ZNG1A: variants seen among roughly 807,000 people sequenced by gnomAD.
The protein encoded by ZNG1A is Zn regulated GTPase metalloprotein activator 1A.
chr9:156,166 T>G, the ZNG1A span, among the ~76,000 whole-genome samples: 1 of 144,656 alleles, frequency 6.9e-6, no homozygotes, highest in African/African-American at 2.5e-5. Context: ...TATATATATA[T>G]ATATAAAATC....
the ZNG1A span, among the ~76,000 whole-genome samples, chr9:171,216 C>T: frequency 6.6e-6 from 1 of 152,174 alleles, no homozygotes; most frequent in African/African-American, 2.4e-5. Flanking sequence ...AACCACTGAT[C>T]ACATTTGAAC....
At chr9:174,155 A>G in the ZNG1A span, among the ~76,000 whole-genome samples, 1 of 151,682 alleles carries the variant, frequency 6.6e-6, no homozygotes, top group Non-Finnish European at 1.5e-5. Flanking sequence ...TCAAAAAAAA[A>G]AAAAAACCTA....
the ZNG1A span, among the ~76,000 whole-genome samples, chr9:130,052 T>G: frequency 6.6e-6 from 1 of 151,354 alleles, no homozygotes; most frequent in Non-Finnish European, 1.5e-5. Flanking sequence ...TGGTAAGTAT[T>G]TGCGTGACAG....
At chr9:154,797 T>G in the ZNG1A span, 7 of 1,520,330 alleles carry the variant, frequency 4.6e-6, no homozygotes, top group South Asian at 5.8e-5. Context: ...GCAACTTGTC[T>G]AAAATAGCAA....
At chr9:155,636 T>A in the ZNG1A span, among the ~76,000 whole-genome samples, 2 of 152,204 alleles carry the variant, frequency 1.3e-5, no homozygotes, top group African/African-American at 4.8e-5. Flanking sequence ...ATTCAGGGTC[T>A]TATGCTTTAT....
chr9:154,365 G>C, the ZNG1A span: 17 of 417,710 alleles, frequency 4.1e-5, no homozygotes, highest in Admixed American at 4.4e-4. Context: ...GACAGGAACT[G>C]ACAGGATGCA....
chr9:167,327 A>G, the ZNG1A span: 13 of 151,356 alleles, frequency 8.6e-5, 1 homozygote, highest in South Asian at 4.2e-4. Flanking sequence ...TTCCTAATAA[A>G]AAGAGAAAAC....
At chr9:158,828 G>C in the ZNG1A span, among the ~76,000 whole-genome samples, 1 of 151,958 alleles carries the variant, frequency 6.6e-6, no homozygotes, top group Non-Finnish European at 1.5e-5. Flanking sequence ...CCATAGGAAA[G>C]CCATACAAAC....
chr9:159,884 C>T, the ZNG1A span: 2 of 349,508 alleles, frequency 5.7e-6, no homozygotes, highest in African/African-American at 4.3e-5. Context: ...AAAATTATTG[C>T]ATAATGTCAG....
chr9:126,688 G>T, the ZNG1A span, among the ~76,000 whole-genome samples: 35,497 of 151,178 alleles, frequency 0.23, 4,395 homozygotes, highest in Admixed American at 0.3. Flanking sequence ...GATTTTTTTT[G>T]TTGTTTTGTT....
chr9:144,619 T>G, the ZNG1A span, among the ~76,000 whole-genome samples: 3 of 151,864 alleles, frequency 2.0e-5, no homozygotes. Flanking sequence ...GCATTACCAT[T>G]CAGGACATAG....
the ZNG1A span, among the ~76,000 whole-genome samples, chr9:126,894 G>A: frequency 4.6e-5 from 7 of 151,902 alleles, no homozygotes; most frequent in Non-Finnish European, 7.4e-5. Context: ...CACTCTTGTC[G>A]TTCAGTTTGA....
the ZNG1A span, among the ~76,000 whole-genome samples, chr9:129,806 T>A: frequency 6.8e-6 from 1 of 147,330 alleles, no homozygotes; most frequent in South Asian, 2.2e-4. Context: ...AGAAGGTAGG[T>A]CTCATGTTAA....
At chr9:136,899 C>G in the ZNG1A span, among the ~76,000 whole-genome samples, 3 of 151,536 alleles carry the variant, frequency 2.0e-5, no homozygotes, top group Non-Finnish European at 4.4e-5. Context: ...AAAAAATTAG[C>G]CAGGCATGGG....
chr9:125,123 G>C, the ZNG1A span, among the ~76,000 whole-genome samples: 1 of 152,160 alleles, frequency 6.6e-6, no homozygotes, highest in Non-Finnish European at 1.5e-5. Flanking sequence ...GTTCTTTAAG[G>C]AATCTCCACA....
At chr9:130,161 A>G in the ZNG1A span, among the ~76,000 whole-genome samples, 1 of 150,712 alleles carries the variant, frequency 6.6e-6, no homozygotes. Context: ...AACATACTCT[A>G]TTTTAAAACT....
the ZNG1A span, chr9:162,311 C>G: frequency 2.1e-6 from 2 of 941,936 alleles, no homozygotes; most frequent in Non-Finnish European, 3.0e-6. Context: ...TTCAGGATAT[C>G]TTTTTGAGAA....
the ZNG1A span, among the ~76,000 whole-genome samples, chr9:125,099 T>C: frequency 6.6e-6 from 1 of 152,224 alleles, no homozygotes; most frequent in African/African-American, 2.4e-5. Context: ...GACCAAATGG[T>C]AGTTCTACTT....
the ZNG1A span, chr9:167,169 CA>C: frequency 1.7e-4 from 26 of 151,456 alleles, no homozygotes; most frequent in Admixed American, 1.4e-3. Flanking sequence ...CTAGATGTCC[CA>C]AAATAATAAA....
Sources: allele counts gnomAD v4.1 joint callset (sites outside exome capture counted in the v4.1 genomes callset), GRCh38; gene constraint gnomAD v4.1.1; transcripts MANE v1.5; gene names NCBI Gene and HGNC (gene_info 2026-07-23, HGNC 2026-07-21).